FYB2: variants seen among roughly 807,000 people sequenced by gnomAD.
The protein encoded by FYB2 is FYN binding protein 2.
Under a neutral mutation model 94.1 loss-of-function variants are expected in FYB2, and 103 were observed. The observed-to-expected ratio is 1.09, with a 90% CI of 0.93 to 1.29. The LOEUF (loss-of-function observed/expected upper bound fraction) is 1.29. Ranked by LOEUF, FYB2 falls within the 50% of genes most tolerant of loss-of-function variation. FYB2 has a pLI of 0.00. For missense variants in FYB2, 896 were observed against 841.5 expected, an observed-to-expected ratio of 1.06 and a Z score of -0.80; for synonymous variants, 293 against 287.9, an observed-to-expected ratio of 1.02 and a Z score of -0.18.
chr1:56,721,519 T>G (rs2100475195), intron 17 of FYB2, among the ~76,000 whole-genome samples: 1 of 152,176 alleles, frequency 6.6e-6, no homozygotes, highest in South Asian at 2.1e-4. Flanking sequence ...AGGCCATTAC[T>G]CACTGTGAAT....
At chr1:56,801,693 T>C (rs1427361892) in intron 1 of FYB2, among the ~76,000 whole-genome samples, 2 of 152,206 alleles carry the variant, frequency 1.3e-5, no homozygotes, top group African/African-American at 4.8e-5. Context: ...ACTCCAGCAA[T>C]GCATTAGCCT....
intron 1 of FYB2, among the ~76,000 whole-genome samples, chr1:56,801,443 T>A (rs1295241865): frequency 6.6e-6 from 1 of 152,162 alleles, no homozygotes. Context: ...AGCTCACTCC[T>A]CTCTATTACT....
intron 8 of FYB2, among the ~76,000 whole-genome samples, 199 bp from the exon 9 acceptor site, chr1:56,751,402 A>T (rs1411386980): frequency 6.6e-6 from 1 of 152,046 alleles, no homozygotes; most frequent in Non-Finnish European, 1.5e-5. Context: ...TGTTCAATGA[A>T]TGCCTGGCAC....
intron 5 of FYB2, among the ~76,000 whole-genome samples, chr1:56,764,131 T>G (rs1645567210): frequency 6.6e-6 from 1 of 152,040 alleles, no homozygotes; most frequent in South Asian, 2.1e-4. Flanking sequence ...TTTTTGTATT[T>G]TTAGTAGAGA....
At chr1:56,737,865 T>C (rs1353337649) in intron 14 of FYB2, among the ~76,000 whole-genome samples, 1 of 152,114 alleles carries the variant, frequency 6.6e-6, no homozygotes, top group Non-Finnish European at 1.5e-5. Context: ...TTTTTTCTTT[T>C]AAACACAGAC....
chr1:56,787,289 A>G (rs1056244144), intron 3 of FYB2, 81 bp from the exon 4 acceptor site: 1 of 1,531,752 alleles, frequency 6.5e-7, no homozygotes, highest in African/African-American at 1.4e-5. Context: ...TGATGACTTG[A>G]TCCCACAGAT....
At chr1:56,739,339 A>G (rs1269537935) in intron 13 of FYB2, among the ~76,000 whole-genome samples, 1 of 152,056 alleles carries the variant, frequency 6.6e-6, no homozygotes, top group Non-Finnish European at 1.5e-5. Flanking sequence ...GCCTTTGTGC[A>G]TAGGGTCTCG....
chr1:56,822,405 C>T (rs1235406434), upstream of FYB2, among the ~76,000 whole-genome samples: 1 of 152,202 alleles, frequency 6.6e-6, no homozygotes, highest in Admixed American at 6.5e-5. Context: ...CAATTTTGAA[C>T]GTAGTCTGTG....
chr1:56,801,992 G>A (rs1369568244), intron 1 of FYB2, among the ~76,000 whole-genome samples: 3 of 152,150 alleles, frequency 2.0e-5, no homozygotes, highest in Admixed American at 2.0e-4. Context: ...TTGTCTATTA[G>A]AGTGGGAGCA....
Position 56,800,929 on chromosome 1 carries a change from G to A in FYB2, c.10-8126C>T, listed in dbSNP as rs6663490. Reference sequence around the variant, plus strand: ...CCTGAGTGGTAGGCGATAGTTAGCCGATGACTTGTCTTCCCCTAAAACATC... The same window carrying A: ...CCTGAGTGGTAGGCGATAGTTAGCCAATGACTTGTCTTCCCCTAAAACATC... On this transcript the variant is annotated intron_variant, in intron 1 of 19. Transcript: ENST00000343433. Among the ~76,000 whole-genome samples the A allele has an allele frequency of 6.5e-3, 989 of 152,236 alleles. 15 individuals carry two copies. The highest frequency in any genetic ancestry group is 0.022 in the African/African-American group (909 of 41,522).
At chr1:56,743,956 A>T in intron 11 of FYB2, 70 bp downstream of exon 11, 1 of 1,477,268 alleles carries the variant, frequency 6.8e-7, no homozygotes, top group Non-Finnish European at 9.3e-7. Context: ...AAGACATCTT[A>T]TCACTAATCA....
At chr1:56,753,961 A>AG in intron 7 of FYB2, 26 bp from the exon 8 acceptor site, 1 of 1,461,434 alleles carries the variant, frequency 6.8e-7, no homozygotes, top group Non-Finnish European at 9.6e-7. Flanking sequence ...ATACCAGGAA[A>AG]AAAATGAAGC....
intron 9 of FYB2, among the ~76,000 whole-genome samples, chr1:56,746,634 T>G (rs1232662994): frequency 6.6e-6 from 1 of 152,066 alleles, no homozygotes; most frequent in African/African-American, 2.4e-5. Context: ...TAGTTTTTTT[T>G]GCTCATTCAG....
intron 5 of FYB2, 55 bp from the exon 6 acceptor site, chr1:56,758,805 A>G: frequency 7.5e-7 from 1 of 1,340,082 alleles, no homozygotes; most frequent in Admixed American, 2.0e-5. Flanking sequence ...CATTTCTTAT[A>G]GCACCCAGGA....
Position 56,792,657 on chromosome 1 carries a change from C to T in FYB2, c.156G>A (p.Gly52=). The T allele has an allele frequency of 6.2e-7, 1 of 1,614,006 alleles. No individual in the cohort carries two copies. Among genetic ancestry groups the T allele is most frequent in the Non-Finnish European group, 8.5e-7 (1 of 1,179,996 alleles). The stretch of plus-strand genomic sequence containing the variant: ...GCTTGTGGTTGGATGAGAGGGGTTT[C>T]CCATTGGCCAAAATTTGAGTTGACT... ...GTQSTQILAN[G]KPLSSNHKQR... is the part of the protein sequence containing the mutation. The change falls in exon 2 of 20, where the codon GGG becomes GGA. Residue 52 remains glycine, a synonymous_variant. Transcript: ENST00000343433.
At chr1:56,784,161 G>A (rs1167210361) in intron 4 of FYB2, among the ~76,000 whole-genome samples, 1 of 152,164 alleles carries the variant, frequency 6.6e-6, no homozygotes, top group Non-Finnish European at 1.5e-5. Context: ...TATACATTAT[G>A]GTTGAAAATA....
chr1:56,741,136 G>A lies in FYB2; in HGVS notation c.1605-341C>T, dbSNP rs1001936905. Among the ~76,000 whole-genome samples, 3 of 152,070 alleles carry A rather than the reference G, an allele frequency of 2.0e-5. No homozygotes were observed. The East Asian group carries it at 5.8e-4, about 30-fold the overall frequency. ...CCATAAAAAAAATAAAGAACCAGAG[G>A]CTTTGTTTTCATGTCCAAAACACAT... is the stretch of plus-strand genomic sequence containing the variant. On this transcript the variant is annotated intron_variant, in intron 12 of 19. Transcript: ENST00000343433.
chr1:56,790,587 T>C (rs1354393306), intron 2 of FYB2, among the ~76,000 whole-genome samples: 2 of 152,216 alleles, frequency 1.3e-5, no homozygotes, highest in Non-Finnish European at 2.9e-5. Context: ...CATCCCTTCA[T>C]CAATAACTAT....
chr1:56,822,406 G>A (rs79047587), upstream of FYB2, among the ~76,000 whole-genome samples: 973 of 152,296 alleles, frequency 6.4e-3, 3 homozygotes, highest in Middle Eastern at 0.02. Context: ...AATTTTGAAC[G>A]TAGTCTGTGA....
Sources: gnomAD v4.1 joint callset for allele counts (sites outside exome capture counted in the v4.1 genomes callset) on GRCh38, gnomAD v4.1.1 for gene constraint, MANE v1.5 for transcripts, NCBI Gene and HGNC (gene_info 2026-07-23, HGNC 2026-07-21) for gene names.